The following ZNF225 variants were observed in gnomAD, a reference collection of about 807,000 sequenced individuals.
ZNF225 encodes zinc finger protein 225.
ZNF225 carries 6 observed loss-of-function variants against 12.0 expected under a neutral mutation model. That is an observed-to-expected ratio of 0.50 (90% CI 0.27 to 0.98). The LOEUF (loss-of-function observed/expected upper bound fraction) is 0.98. Ranked by LOEUF, ZNF225 falls within the 50% of genes least tolerant of loss-of-function variation. The pLI is 0.11. For missense variants in ZNF225, 763 were observed against 848.2 expected (o/e 0.90, Z 1.25); for synonymous variants, 271 against 283.2 (o/e 0.96, Z 0.43).
At chr19:44,124,879 CCTTTTA>C (rs1333248658) in intron 4 of ZNF225, among the ~76,000 whole-genome samples, 2 of 152,036 alleles carry the variant, frequency 1.3e-5, no homozygotes, top group Non-Finnish European at 2.9e-5. Flanking sequence ...CCTTTTCCAC[CCTTTTA>C]CTTTAAGTTT....
chr19:44,131,986 T>G lies in ZNF225; in HGVS notation c.1372T>G (p.Cys458Gly). The G allele has an allele frequency of 6.2e-7, 1 of 1,613,644 alleles. No homozygotes were observed. Among genetic ancestry groups the G allele is most frequent in the African/African-American group, 1.3e-5 (1 of 74,850 alleles). ...RVHRGEKPYN[C>G]KECGKSFGWA... ...CCACAGAGGAGAGAAACCCTATAATTGTAAGGAATGTGGGAAGAGCTTTGG... is the reference window on the plus strand; with the variant it reads ...CCACAGAGGAGAGAAACCCTATAATGGTAAGGAATGTGGGAAGAGCTTTGG... The change falls in exon 5 of 5, where the codon TGT becomes GGT. Residue 458 changes from cysteine (C) to glycine (G), a missense_variant. By Grantham distance (159) the Cys-to-Gly change is radical. Transcript: ENST00000262894.
At chr19:44,112,913 G>C (rs1463371824), upstream of ZNF225, 1 of 152,200 alleles carries the variant, frequency 6.6e-6, no homozygotes, top group Non-Finnish European at 1.5e-5. Flanking sequence ...GAGGCGTTTA[G>C]ACTTCAGAAA....
chr19:44,118,267 T>C lies in ZNF225; in HGVS notation c.95T>C (p.Leu32Pro). 6 of 1,613,454 alleles carry C rather than the reference T, an allele frequency of 3.7e-6. No homozygotes were observed. Among genetic ancestry groups the C allele is most frequent in the Non-Finnish European group, 5.1e-6 (6 of 1,179,728 alleles). ...CTGCTGGACCTTGCCCAGAGGAAACTGTACCGAGAAGTGATGCTGGAGAAC... is the reference window on the plus strand; with the variant it reads ...CTGCTGGACCTTGCCCAGAGGAAACCGTACCGAGAAGTGATGCTGGAGAAC... ...LRLLDLAQRKLYREVMLENFR... is the reference protein window; with the variant it reads ...LRLLDLAQRKPYREVMLENFR... The change falls in exon 3 of 5, where the codon CTG (leucine) becomes CCG (proline). Residue 32 changes from leucine to proline, a missense_variant. Coordinates refer to ENST00000262894, the MANE Select transcript of ZNF225 (RefSeq NM_013362.4).
chr19:44,132,663 G>A lies in ZNF225; in HGVS notation c.2049G>A (p.Glu683=). Residue 683 remains glutamate, a synonymous_variant, in exon 5 of 5, where the codon GAG becomes GAA. Transcript: ENST00000262894. ...GTGGAGAGAAAACATCTAAATGTGA[G>A]GACTGTGGGAAGCGCTACAAGAGGC... The part of the protein sequence containing the change: ...DQSGEKTSKC[E]DCGKRYKRRL... 6.2e-7 allele frequency: 1 copy of A among 1,613,838 alleles called. No homozygotes were observed. Among genetic ancestry groups the A allele is most frequent in the Non-Finnish European group, 8.5e-7 (1 of 1,179,882 alleles).
In ZNF225 at chr19:44,118,483, G is replaced by A. The variant is rs944469371; in HGVS notation, c.144G>A (p.Gly48=). The part of the protein sequence containing the change: ...LENFRNLLSV[G]HQSLHRDTFH... ...GCACATGACTTTTCACGTTCACAGG[G>A]CATCAATCACTCCACAGAGATACTT... is the stretch of plus-strand genomic sequence containing the variant. Residue 48 remains glycine, a splice_region_variant and synonymous_variant, in exon 4 of 5, where the codon GGG becomes GGA. Transcript: ENST00000262894. 4.3e-6 allele frequency: 7 copies of A among 1,613,472 alleles called. No homozygotes were observed. The highest frequency in any genetic ancestry group is 1.3e-5 in the African/African-American group (1 of 75,000).
At position 44,117,875 on chromosome 19, in the gene ZNF225, C is replaced by G. The variant is rs937798572; in HGVS notation, c.16-313C>G. Among the ~76,000 whole-genome samples, 10 of 152,144 alleles carry G rather than the reference C, an allele frequency of 6.6e-5. No homozygotes were observed. The South Asian group carries it at 1.5e-3, about 22-fold the overall frequency. ...CTCTATTAAAAATACAAAAATTAGCCAGGCATGGTGGCAGGCACCTGTAAT... is the reference window on the plus strand; with the variant it reads ...CTCTATTAAAAATACAAAAATTAGCGAGGCATGGTGGCAGGCACCTGTAAT... On this transcript the variant is annotated intron_variant, in intron 2 of 4. Transcript: ENST00000262894.
At chr19:44,116,437 G>C (rs1393173144) in intron 2 of ZNF225, among the ~76,000 whole-genome samples, 1 of 152,210 alleles carries the variant, frequency 6.6e-6, no homozygotes, top group East Asian at 1.9e-4. Flanking sequence ...GATGCACCCA[G>C]TGCTCCAGGC....
At chr19:44,112,424 A>T (rs906751798), upstream of ZNF225, 3 of 152,190 alleles carry the variant, frequency 2.0e-5, no homozygotes, top group East Asian at 5.8e-4. Flanking sequence ...TGCCTAAGTG[A>T]TGGCTTCTTA....
Position 44,129,020 on chromosome 19 carries a change from C to T in ZNF225, c.236-1830C>T, listed in dbSNP as rs1450585684. 5.7e-6 allele frequency: 7 copies of T among 1,223,716 alleles called. No homozygotes were observed. The African/African-American group carries it at 1.1e-4, about 19-fold the overall frequency. 75.8% of individuals were successfully genotyped at this position (1,223,716 alleles called of 1,614,324 possible). ...CTTTCATTGTCTCATCAGGATCATC[C>T]CCCTTTGTGTATTTCTGTCAGGTCC... On this transcript the variant is annotated intron_variant, in intron 4 of 4. Transcript: ENST00000262894.
At chr19:44,119,574 C>T (rs986711392) in intron 4 of ZNF225, among the ~76,000 whole-genome samples, 3 of 152,196 alleles carry the variant, frequency 2.0e-5, no homozygotes, top group African/African-American at 7.2e-5. Flanking sequence ...TGCCACTCTT[C>T]TTATGCCTCT....
At chr19:44,122,301 G>A (rs1266289878) in intron 4 of ZNF225, among the ~76,000 whole-genome samples, 1 of 152,132 alleles carries the variant, frequency 6.6e-6, no homozygotes, top group African/African-American at 2.4e-5. Context: ...AAGATCAATT[G>A]GCTGTAAGGA....
chr19:44,111,980 G>A (rs1967841121), upstream of ZNF225: 1 of 152,176 alleles, frequency 6.6e-6, no homozygotes, highest in Admixed American at 6.5e-5. Context: ...TTAATAGGAA[G>A]AAGAGAAAGA....
chr19:44,134,430 C>G lies in ZNF225; in HGVS notation c.*1695C>G, dbSNP rs575844654. The stretch of plus-strand genomic sequence containing the variant: ...CTCTCAAACTCCGTGTTTCCTAACA[C>G]CAGCTAAAGGCCAGTCTTATAAGCA... On this transcript the variant is annotated 3_prime_UTR_variant, in exon 5 of 5. Coordinates refer to ENST00000262894, the MANE Select transcript of ZNF225 (RefSeq NM_013362.4). 1 of 152,286 alleles carries G rather than the reference C, an allele frequency of 6.6e-6. No homozygotes were observed. The highest frequency in any genetic ancestry group is 1.9e-4 in the East Asian group (1 of 5,186). 9.4% of individuals were successfully genotyped at this position (152,286 alleles called of 1,614,324 possible).
chr19:44,134,575 G>A lies in ZNF225; in HGVS notation c.*1840G>A, dbSNP rs1384103167. The A allele has an allele frequency of 6.6e-6, 1 of 152,158 alleles. No individual in the cohort carries two copies. The highest frequency in any genetic ancestry group is 1.5e-5 in the Non-Finnish European group (1 of 68,036). 9.4% of individuals were successfully genotyped at this position (152,158 alleles called of 1,614,324 possible). On this transcript the variant is annotated 3_prime_UTR_variant, in exon 5 of 5. Coordinates refer to ENST00000262894, the MANE Select transcript of ZNF225 (RefSeq NM_013362.4). Reference sequence around the variant, plus strand: ...TGTGTTTTGGTTTTTAACTGTCACCGATACCAGAATAGCTCATCTCCAAGG... The same window carrying A: ...TGTGTTTTGGTTTTTAACTGTCACCAATACCAGAATAGCTCATCTCCAAGG...
chr19:44,118,750 C>T (rs374586835), intron 4 of ZNF225, among the ~76,000 whole-genome samples, 176 bp downstream of exon 4: 21 of 152,252 alleles, frequency 1.4e-4, no homozygotes, highest in African/African-American at 5.1e-4. Context: ...ATCTGTTTTC[C>T]TCATGGCAGC....
chr19:44,113,424 C>T lies in ZNF225; in HGVS notation c.-214C>T, dbSNP rs1224945773. The T allele has an allele frequency of 6.6e-6, 1 of 152,226 alleles. No homozygotes were observed. Among genetic ancestry groups the T allele is most frequent in the Non-Finnish European group, 1.5e-5 (1 of 68,104 alleles). 9.4% of individuals were successfully genotyped at this position (152,226 alleles called of 1,614,324 possible). On this transcript the variant is annotated 5_prime_UTR_variant, in exon 1 of 5. Coordinates refer to ENST00000262894, the MANE Select transcript of ZNF225 (RefSeq NM_013362.4). ...AGTGGAGTAGCGGGCCACTTCCGCT[C>T]CGTTACTGTGAGGTTGCTGCAGTTT...
chr19:44,127,801 G>C (rs1013107852), intron 4 of ZNF225, among the ~76,000 whole-genome samples: 6 of 151,894 alleles, frequency 4.0e-5, no homozygotes, highest in Non-Finnish European at 5.9e-5. Flanking sequence ...ACCATGCCCA[G>C]CTAATTTTTT....
rs1968356114 is a variant in ZNF225, at chr19:44,134,668, G to A, written c.*1933G>A. Reference sequence around the variant, plus strand: ...GCTTATTATAATTATTAAAAGTTTGGTAGGGTCTATGTCTGCTCTCTGGTG... The same window carrying A: ...GCTTATTATAATTATTAAAAGTTTGATAGGGTCTATGTCTGCTCTCTGGTG... On this transcript the variant is annotated 3_prime_UTR_variant, in exon 5 of 5. Transcript: ENST00000262894. 6.6e-6 allele frequency: 1 copy of A among 152,170 alleles called. No individual in the cohort carries two copies. The highest frequency in any genetic ancestry group is 1.5e-5 in the Non-Finnish European group (1 of 68,032). 9.4% of individuals were successfully genotyped at this position (152,170 alleles called of 1,614,324 possible).
In ZNF225 at chr19:44,132,066, T is replaced by C. The variant is rs1599683055; in HGVS notation, c.1452T>C (p.Phe484=). Reference sequence around the variant, plus strand: ...GAATCCACAGTGGAGAAAAACCATTTAAATGTGAAGAATGTGGGAAAAGAT... The same window carrying C: ...GAATCCACAGTGGAGAAAAACCATTCAAATGTGAAGAATGTGGGAAAAGAT... The part of the protein sequence containing the change: ...HQRIHSGEKP[F]KCEECGKRFT... The change falls in exon 5 of 5, where the codon TTT becomes TTC. Residue 484 remains phenylalanine (F), a synonymous_variant. Transcript: ENST00000262894. 6.2e-7 allele frequency: 1 copy of C among 1,612,746 alleles called. No homozygotes were observed. Among genetic ancestry groups the C allele is most frequent in the African/African-American group, 1.3e-5 (1 of 74,414 alleles).
Sources: allele counts gnomAD v4.1 joint callset (sites outside exome capture counted in the v4.1 genomes callset), GRCh38; gene constraint gnomAD v4.1.1; transcripts MANE v1.5; gene names NCBI Gene and HGNC (gene_info 2026-07-23, HGNC 2026-07-21).